Variants in SPG11 observed in about 807,000 individuals in gnomAD.
SPG11 encodes the protein spatacsin.
Under a neutral mutation model 274.0 loss-of-function variants are expected in SPG11, and 222 were observed. The ratio of observed to expected loss-of-function variants is 0.81; its 90% CI spans 0.73 to 0.91. SPG11 has a LOEUF of 0.91. Ranked by LOEUF, SPG11 falls within the 40% of genes least tolerant of loss-of-function variation. The pLI is 0.00. For synonymous variants in SPG11, 1,144 were observed against 1,039.7 expected, an observed-to-expected ratio of 1.10 and a Z score of -1.93; for missense variants, 3,114 against 2,872.7, an observed-to-expected ratio of 1.08 and a Z score of -1.92.
At chr15:44,567,320 C>T (rs2082330341) in intron 36 of SPG11, 104 bp downstream of exon 36, 14 of 1,322,126 alleles carry the variant, frequency 1.1e-5, no homozygotes, top group Non-Finnish European at 1.5e-5. Flanking sequence ...CACTGCACTC[C>T]AGCCTGGGGA....
rs1262812988 is a variant in SPG11 at position 44,573,583 on chromosome 15, C to T, written c.6169G>A (p.Val2057Met). The T allele has an allele frequency of 8.1e-6, 13 of 1,614,180 alleles. No individual in the cohort carries two copies. Among genetic ancestry groups the T allele is most frequent in the African/African-American group, 1.3e-5 (1 of 75,036 alleles). The change falls in exon 32 of 40, where the codon GTG (valine) becomes ATG (methionine). Residue 2057 changes from valine (V) to methionine (M), a missense_variant. By Grantham distance (21) the Val-to-Met change is conservative (BLOSUM62 1). Transcript: ENST00000261866. The part of the protein sequence containing the change: ...DTVAELVAEE[V>M]TRELLTSSQG... ...GATGAAGTAAGCAGCTCCCGTGTCA[C>T]CTCTTCTGCCACGAGTTCAGCCACA...
In SPG11 at chr15:44,611,865, G is replaced by C. The variant is rs190190500; in HGVS notation, c.3146-880C>G. On this transcript the variant is annotated intron_variant, in intron 17 of 39. Transcript: ENST00000261866. The stretch of plus-strand genomic sequence containing the variant: ...TCACTCTCTCACCCAGGCTGGAGTG[G>C]AGCTATCTTGGCTCACTGCAAGCTC... 4.3e-4 allele frequency among the ~76,000 whole-genome samples: 63 copies of C among 146,396 alleles called. No homozygotes were observed. The East Asian group carries it at 0.011, about 26-fold the overall frequency.
chr15:44,567,837 G>A (rs2082340620), intron 35 of SPG11, among the ~76,000 whole-genome samples: 1 of 152,200 alleles, frequency 6.6e-6, no homozygotes, highest in Non-Finnish European at 1.5e-5. Context: ...ACCCGCATAA[G>A]CTGATCTAAC....
intron 27 of SPG11, among the ~76,000 whole-genome samples, chr15:44,590,040 C>T (rs1595851981): frequency 6.6e-6 from 1 of 152,300 alleles, no homozygotes; most frequent in East Asian, 1.9e-4. Context: ...AACTCCTGAC[C>T]TGATGATCCG....
At chr15:44,636,967 A>AAAAAAAAAAT (rs2084294490) in intron 7 of SPG11, among the ~76,000 whole-genome samples, 1 of 147,270 alleles carries the variant, frequency 6.8e-6, no homozygotes, top group Non-Finnish European at 1.5e-5. Context: ...ACAAAAAAAA[A>AAAAAAAAAAT]ACACAAATGT....
rs908719125 is a variant in SPG11, at chr15:44,565,748, T to A, written c.6999+106A>T. ...AGAGAGTTAAATCAGAACTGTACTG[T>A]CCTGGTTCTGTCACTAGCCCTGAGA... On this transcript the variant is annotated intron_variant, in intron 38 of 39. Coordinates refer to ENST00000261866, the MANE Select transcript of SPG11 (RefSeq NM_025137.4). 77 of 1,388,560 alleles carry A rather than the reference T, an allele frequency of 5.5e-5. No homozygotes were observed. In the Middle Eastern group the frequency reaches 4.0e-3, roughly 73 times the overall value. 86.0% of individuals were successfully genotyped at this position (1,388,560 alleles called of 1,614,324 possible). A position where few individuals can be genotyped will look rare whatever the true frequency, so the allele number is the denominator to read the frequency against.
rs894074989 is a variant in SPG11, at chr15:44,663,459, G to A, written c.189C>T (p.Leu63=). 2.5e-6 allele frequency: 4 copies of A among 1,597,688 alleles called. No individual in the cohort carries two copies. The highest frequency in any genetic ancestry group is 2.7e-5 in the African/African-American group (2 of 74,546). ...ALGSLTAAGS[L]QVLSLTPGSR... is the part of the protein sequence containing the mutation. The stretch of plus-strand genomic sequence containing the variant: ...TGCCAGGCGTCAAAGAAAGCACTTG[G>A]AGGCTGCCCGCAGCCGTCAGGCTCC... Residue 63 remains leucine, a synonymous_variant, in exon 1 of 40, where the codon CTC becomes CTT. Coordinates refer to ENST00000261866, the MANE Select transcript of SPG11 (RefSeq NM_025137.4).
intron 20 of SPG11, among the ~76,000 whole-genome samples, chr15:44,604,925 C>A (rs2083282061): frequency 1.1e-5 from 1 of 94,776 alleles, no homozygotes; most frequent in South Asian, 3.9e-4. Flanking sequence ...AACAAGACTC[C>A]ATCTCCAAAA....
Position 44,620,409 on chromosome 15 carries a change from T to C in SPG11, c.2621-6A>G, listed in dbSNP as rs753436106. 6 of 1,597,828 alleles carry C rather than the reference T, an allele frequency of 3.8e-6. No individual in the cohort carries two copies. In the African/African-American group the frequency reaches 4.0e-5, roughly 11 times the overall value. ...AGGGGAATATGATTTGTATTCTACATGAAAAAAAACACATTTTAAAATATA... is the reference window on the plus strand; with the variant it reads ...AGGGGAATATGATTTGTATTCTACACGAAAAAAAACACATTTTAAAATATA... On this transcript the variant is annotated splice_region_variant and splice_polypyrimidine_tract_variant and intron_variant, in intron 14 of 39. Coordinates refer to ENST00000261866, the MANE Select transcript of SPG11 (RefSeq NM_025137.4).
Position 44,573,763 on chromosome 15 carries a change from C to G in SPG11, c.6007-18G>C, listed in dbSNP as rs1161053087. 4 of 1,613,646 alleles carry G rather than the reference C, an allele frequency of 2.5e-6. No homozygotes were observed. In the South Asian group the frequency reaches 4.4e-5, roughly 18 times the overall value. ...CCCAACTCCTGAGAGGAAGACAAAG[C>G]CAGTCAAGGCCACTTTTAGAAGCCA... On this transcript the variant is annotated intron_variant, in intron 31 of 39. Coordinates refer to ENST00000261866, the MANE Select transcript of SPG11 (RefSeq NM_025137.4).
chr15:44,574,948 C>T lies in SPG11; in HGVS notation c.5960G>A (p.Gly1987Glu), dbSNP rs370519546. The T allele has an allele frequency of 1.2e-6, 2 of 1,614,098 alleles. No individual in the cohort carries two copies. The highest frequency in any genetic ancestry group is 1.7e-6 in the Non-Finnish European group (2 of 1,180,018). ...GAGGACCTGTCGACAGTAGTTCTTC[C>T]CATGGAGGCATTTGCTTGTCAGCAC... ...LEVLTSKCLH[G>E]KNYCRQVLCL... is the part of the protein sequence containing the mutation. Residue 1987 changes from glycine (G) to glutamate (E), a missense_variant, in exon 31 of 40, where the codon GGG becomes GAG. Gly to Glu is a moderately conservative substitution (Grantham distance 98). Transcript: ENST00000261866.
rs552035622 is a variant in SPG11, at chr15:44,584,497, A to G, written c.5183T>C (p.Ile1728Thr). 1 of 1,613,984 alleles carries G rather than the reference A, an allele frequency of 6.2e-7. No individual in the cohort carries two copies. The highest frequency in any genetic ancestry group is 1.1e-5 in the South Asian group (1 of 91,084). The part of the protein sequence containing the change: ...IEQWSLKQAR[I>T]DFWKKCHENF... Reference sequence around the variant, plus strand: ...CTCATGGCATTTTTTCCAGAAGTCAATTCTTGCTTGTTTTAGTGACCACTG... The same window carrying G: ...CTCATGGCATTTTTTCCAGAAGTCAGTTCTTGCTTGTTTTAGTGACCACTG... Residue 1728 changes from isoleucine to threonine, a missense_variant, in exon 30 of 40, where the codon ATT becomes ACT. Physicochemically the swap from Ile to Thr is moderately conservative, Grantham distance 89. Coordinates refer to ENST00000261866, the MANE Select transcript of SPG11 (RefSeq NM_025137.4).
chr15:44,568,955 T>A (rs2082361133), intron 35 of SPG11, among the ~76,000 whole-genome samples: 1 of 152,044 alleles, frequency 6.6e-6, no homozygotes, highest in South Asian at 2.1e-4. Flanking sequence ...GTGGATCACC[T>A]GAGGTCGGGA....
At chr15:44,597,056 G>T in intron 23 of SPG11, 113 bp from the exon 24 acceptor site, 1 of 910,812 alleles carries the variant, frequency 1.1e-6, no homozygotes, top group Non-Finnish European at 1.7e-6. Context: ...AAAGCACAGT[G>T]TATTCTCCAA....
rs2082925039 is a variant in SPG11 at position 44,592,413 on chromosome 15, T to G, written c.4661A>C (p.Glu1554Ala). The change falls in exon 27 of 40, where the codon GAG (glutamate) becomes GCG (alanine). Residue 1554 changes from glutamate (E) to alanine (A), a missense_variant. Glu to Ala is a moderately radical substitution (Grantham distance 107). Coordinates refer to ENST00000261866, the MANE Select transcript of SPG11 (RefSeq NM_025137.4). ...FKDSPLLLVM[E>A]MYELCMFFRN... is the part of the protein sequence containing the mutation. ...GAAGAACATACACAGTTCATACATC[T>G]CCATCACCAGTAGTAACGGGGAATC... is the stretch of plus-strand genomic sequence containing the variant. 1 of 1,606,780 alleles carries G rather than the reference T, an allele frequency of 6.2e-7. No homozygotes were observed. Among genetic ancestry groups the G allele is most frequent in the Admixed American group, 1.7e-5 (1 of 60,002 alleles).
chr15:44,579,744 A>G (rs757922494), intron 30 of SPG11, among the ~76,000 whole-genome samples: 1 of 152,216 alleles, frequency 6.6e-6, no homozygotes, highest in African/African-American at 2.4e-5. Context: ...TATGAAGAAT[A>G]AAATGAAAAT....
At chr15:44,589,669 A>G (rs2082853776) in intron 27 of SPG11, among the ~76,000 whole-genome samples, 1 of 152,248 alleles carries the variant, frequency 6.6e-6, no homozygotes, top group Admixed American at 6.5e-5. Context: ...GCATGTGTGA[A>G]AAAGATGGGC....
intron 8 of SPG11, among the ~76,000 whole-genome samples, chr15:44,632,474 A>G (rs1226306594): frequency 2.6e-5 from 4 of 152,162 alleles, no homozygotes; most frequent in African/African-American, 7.2e-5. Flanking sequence ...AAAATCTTGA[A>G]AAGTGTTGGT....
At chr15:44,564,012 G>A (rs553651440) in intron 39 of SPG11, among the ~76,000 whole-genome samples, 4 of 151,666 alleles carry the variant, frequency 2.6e-5, no homozygotes, top group African/African-American at 9.7e-5. Context: ...TTCTTTTTTT[G>A]AGACAAGAGT....
Sources: gnomAD v4.1 joint callset for allele counts (sites outside exome capture counted in the v4.1 genomes callset) on GRCh38, gnomAD v4.1.1 for gene constraint, MANE v1.5 for transcripts, NCBI Gene and HGNC (gene_info 2026-07-23, HGNC 2026-07-21) for gene names.